Variants in CDK19 observed in about 807,000 individuals in gnomAD.
The protein encoded by CDK19 is cyclin-dependent kinase 19.
CDK19 carries 20 observed loss-of-function variants against 68.3 expected under a neutral mutation model. The observed-to-expected ratio is 0.29, with a 90% CI of 0.21 to 0.43. The LOEUF (loss-of-function observed/expected upper bound fraction) is 0.43. Among genes scored for constraint, CDK19 ranks in the 20% least tolerant of loss-of-function variants. The probability of loss-of-function intolerance (pLI) is 1.00; values close to 1 mark genes in which losing one functional copy is unlikely to be tolerated. For missense variants in CDK19, 339 were observed against 623.5 expected (o/e 0.54, Z 4.86); for synonymous variants, 221 against 222.8 (o/e 0.99, Z 0.07).
chr6:110,621,513 A>C lies in CDK19; in HGVS notation c.1111-143T>G. The stretch of plus-strand genomic sequence containing the variant: ...CTAGAGTGATGGGGAGGACTGGAGA[A>C]TGGAGCAGCCAGGGAACACAGTGTT... On this transcript the variant is annotated intron_variant, in intron 11 of 12. Coordinates refer to ENST00000368911, the MANE Select transcript of CDK19 (RefSeq NM_015076.5). The surrounding 1 kb of genome is among the most constrained non-coding windows in gnomAD (Gnocchi z 5.4). 3 of 785,606 alleles carry C rather than the reference A, an allele frequency of 3.8e-6. No homozygotes were observed. The highest frequency in any genetic ancestry group is 4.0e-6 in the Non-Finnish European group (2 of 497,822). 48.7% of individuals were successfully genotyped at this position (785,606 alleles called of 1,614,324 possible).
chr6:110,720,321 CAG>C (rs1203888154), intron 2 of CDK19, among the ~76,000 whole-genome samples: 2 of 152,076 alleles, frequency 1.3e-5, no homozygotes, highest in Non-Finnish European at 2.9e-5. Flanking sequence ...CGATCTTTGG[CAG>C]AGTCTTTGAT....
At position 110,638,661 on chromosome 6, in the gene CDK19, TCC is replaced by T; in HGVS notation, c.500_501del (p.Gly167GlufsTer6). 6.6e-7 allele frequency: 1 copy of T among 1,521,862 alleles called. No homozygotes were observed. Among genetic ancestry groups the T allele is most frequent in the Non-Finnish European group, 9.1e-7 (1 of 1,099,248 alleles). The allele number at this position is 1,521,862 out of a possible 1,614,324, so 94.3% of individuals were successfully genotyped here. ...AATAATTACCTACCTATTTTGACTC[TCC>T]CCCTCTCAGGACCTTCTCCCATTAC... ...ILVMGEGPER[G>X]RVKIADMGFA... On this transcript the variant is annotated frameshift_variant, in exon 5 of 13. Transcript: ENST00000368911. LOFTEE classifies it high-confidence loss of function.
At chr6:110,660,621 T>C (rs1781560799) in intron 4 of CDK19, among the ~76,000 whole-genome samples, 2 of 144,416 alleles carry the variant, frequency 1.4e-5, no homozygotes, top group Non-Finnish European at 3.1e-5. Flanking sequence ...GAAAAGGGGA[T>C]GGAGCAGGAA....
At chr6:110,756,289 C>T (rs1583030760) in intron 1 of CDK19, among the ~76,000 whole-genome samples, 1 of 151,714 alleles carries the variant, frequency 6.6e-6, no homozygotes, top group East Asian at 1.9e-4. Context: ...ACTCAGGAGG[C>T]TAAGGCAGGA....
chr6:110,623,544 CAACAT>C (rs1384329838), intron 8 of CDK19, 182 bp from the exon 9 acceptor site: 7 of 362,184 alleles, frequency 1.9e-5, no homozygotes, highest in Non-Finnish European at 2.7e-5. Context: ...CTGTCACACA[CAACAT>C]GAGAGTTTAT....
chr6:110,681,385 A>T (rs933794165), intron 2 of CDK19, among the ~76,000 whole-genome samples: 7 of 152,170 alleles, frequency 4.6e-5, no homozygotes, highest in African/African-American at 1.7e-4. Flanking sequence ...CAAAACATTA[A>T]CAATAGTTAT....
chr6:110,637,851 G>A (rs1379497398), intron 5 of CDK19, among the ~76,000 whole-genome samples: 3 of 151,982 alleles, frequency 2.0e-5, no homozygotes, highest in Non-Finnish European at 4.4e-5. Context: ...GCGTGGTGGC[G>A]GGAGCCTGTA....
At chr6:110,735,022 T>A (rs1777135012) in intron 2 of CDK19, among the ~76,000 whole-genome samples, 1 of 152,184 alleles carries the variant, frequency 6.6e-6, no homozygotes, top group Admixed American at 6.6e-5. Flanking sequence ...CCACCCCTTA[T>A]TCATTAAATC....
At chr6:110,638,894 A>G (rs1454206098) in intron 4 of CDK19, among the ~76,000 whole-genome samples, 188 bp from the exon 5 acceptor site, 1 of 152,238 alleles carries the variant, frequency 6.6e-6, no homozygotes, top group African/African-American at 2.4e-5. Context: ...TTATATGAAC[A>G]TCCTTGCTAT....
intron 1 of CDK19, among the ~76,000 whole-genome samples, chr6:110,814,293 TC>T (rs1412351037): frequency 6.6e-6 from 1 of 152,208 alleles, no homozygotes; most frequent in Admixed American, 6.5e-5. Context: ...AGCAGAGAAT[TC>T]AGCCAACTCT....
chr6:110,726,447 TA>T (rs1776320285), intron 2 of CDK19, among the ~76,000 whole-genome samples: 1 of 152,070 alleles, frequency 6.6e-6, no homozygotes, highest in Non-Finnish European at 1.5e-5. Flanking sequence ...AACTCAAGCC[TA>T]AAGAAAATGG....
chr6:110,660,030 C>T (rs1487923139), intron 4 of CDK19, among the ~76,000 whole-genome samples: 4 of 152,114 alleles, frequency 2.6e-5, no homozygotes, highest in African/African-American at 9.7e-5. Context: ...GAGACAGGGT[C>T]TATGTTATGC....
At chr6:110,741,580 A>C (rs1199943850) in intron 2 of CDK19, among the ~76,000 whole-genome samples, 1 of 152,106 alleles carries the variant, frequency 6.6e-6, no homozygotes, top group East Asian at 1.9e-4. Context: ...AAGTAAGATA[A>C]CTCAGAAAGC....
intron 2 of CDK19, among the ~76,000 whole-genome samples, chr6:110,735,323 C>T (rs894998110): frequency 6.6e-6 from 1 of 152,028 alleles, no homozygotes; most frequent in East Asian, 1.9e-4. Flanking sequence ...CAAAAAAAAA[C>T]TTTATCAAAA....
intron 1 of CDK19, among the ~76,000 whole-genome samples, chr6:110,797,382 A>T (rs1206255810): frequency 6.6e-6 from 1 of 152,150 alleles, no homozygotes; most frequent in Non-Finnish European, 1.5e-5. Context: ...TTCAAAAAAC[A>T]TTTGTCAGTA....
intron 4 of CDK19, among the ~76,000 whole-genome samples, chr6:110,657,883 T>C (rs1781399529): frequency 6.6e-6 from 1 of 152,156 alleles, no homozygotes; most frequent in Admixed American, 6.5e-5. Context: ...ATTCTTGGTG[T>C]GTACCCTCTC....
At chr6:110,723,199 C>T (rs1262742867) in intron 2 of CDK19, among the ~76,000 whole-genome samples, 3 of 151,342 alleles carry the variant, frequency 2.0e-5, no homozygotes, top group African/African-American at 4.9e-5. Context: ...CATTCGAGGC[C>T]GCCAGGTTAT....
At chr6:110,748,410 T>C (rs1252293897) in intron 1 of CDK19, among the ~76,000 whole-genome samples, 1 of 152,182 alleles carries the variant, frequency 6.6e-6, no homozygotes, top group Non-Finnish European at 1.5e-5. Flanking sequence ...ATTATTTCAC[T>C]TAATAAGTTT....
rs1044810897 is a variant in CDK19, at chr6:110,810,301, A to G, written c.128+4708T>C. ...AAGAGATGAGATTGGATCTGATAGT[A>G]TAAGCCATAGCAAACGTATAGCTTT... On this transcript the variant is annotated intron_variant, in intron 1 of 12. Coordinates refer to ENST00000368911, the MANE Select transcript of CDK19 (RefSeq NM_015076.5). Among the ~76,000 whole-genome samples the G allele has an allele frequency of 7.9e-5, 12 of 152,354 alleles. 1 individual carries two copies. Among genetic ancestry groups the G allele is most frequent in the African/African-American group, 2.9e-4 (12 of 41,594 alleles).
Sources: allele counts gnomAD v4.1 joint callset (sites outside exome capture counted in the v4.1 genomes callset), GRCh38; gene constraint gnomAD v4.1.1; non-coding constraint Gnocchi (gnomAD v3.1); transcripts MANE v1.5; gene names NCBI Gene and HGNC (gene_info 2026-07-23, HGNC 2026-07-21).